Variants in CHRM5 observed in about 807,000 individuals in gnomAD.
The protein encoded by CHRM5 is muscarinic acetylcholine receptor M5.
CHRM5 carries 18 observed loss-of-function variants against 39.0 expected under a neutral mutation model. That is an observed-to-expected ratio of 0.46 (90% CI 0.32 to 0.68). CHRM5 has a LOEUF of 0.68. CHRM5 is among the 30% of genes least tolerant of loss of function. The probability of loss-of-function intolerance (pLI) is 0.04; values close to 1 mark genes in which losing one functional copy is unlikely to be tolerated. For synonymous variants in CHRM5, 241 were observed against 246.3 expected, an observed-to-expected ratio of 0.98 and a Z score of 0.20; for missense variants, 515 against 651.1, an observed-to-expected ratio of 0.79 and a Z score of 2.28.
intron 2 of CHRM5, among the ~76,000 whole-genome samples, chr15:34,056,684 A>T (rs1900165283): frequency 6.6e-6 from 1 of 152,062 alleles, no homozygotes; most frequent in Admixed American, 6.6e-5. Flanking sequence ...TGCTTGAATG[A>T]TTGGGAGCAG....
intron 1 of CHRM5, among the ~76,000 whole-genome samples, chr15:34,044,565 G>A (rs1899613739): frequency 5.8e-5 from 1 of 17,284 alleles, no homozygotes; most frequent in East Asian, 2.5e-3. Flanking sequence ...ACTTCTTCAT[G>A]TCTTGGCACA....
At chr15:34,041,214 A>G (rs563619992) in intron 1 of CHRM5, among the ~76,000 whole-genome samples, 15 of 152,292 alleles carry the variant, frequency 9.8e-5, no homozygotes, top group East Asian at 1.9e-4. Flanking sequence ...CCTCATTAAG[A>G]CAACCAAAAA....
chr15:33,998,708 T>C (rs1197518976), intron 1 of CHRM5, among the ~76,000 whole-genome samples: 1 of 152,204 alleles, frequency 6.6e-6, no homozygotes, highest in African/African-American at 2.4e-5. Context: ...TTCATTGTCA[T>C]CAACTGCATT....
At chr15:33,998,805 T>C (rs906775399) in intron 1 of CHRM5, among the ~76,000 whole-genome samples, 5 of 152,184 alleles carry the variant, frequency 3.3e-5, no homozygotes, top group Admixed American at 1.3e-4. Flanking sequence ...TCAGTCTCCT[T>C]TGCTGGTCTC....
At chr15:34,006,081 G>A (rs191492701) in intron 1 of CHRM5, among the ~76,000 whole-genome samples, 2 of 152,314 alleles carry the variant, frequency 1.3e-5, no homozygotes, top group Non-Finnish European at 2.9e-5. Flanking sequence ...GGAGGCCGAG[G>A]AGGGCAGATC....
chr15:33,984,559 C>T (rs1283854015), intron 1 of CHRM5, among the ~76,000 whole-genome samples: 1 of 152,094 alleles, frequency 6.6e-6, no homozygotes, highest in Non-Finnish European at 1.5e-5. Context: ...TGCTCCATCA[C>T]ACCCGGCTAA....
At chr15:34,038,730 A>G (rs573746809) in intron 1 of CHRM5, 25 of 1,132,048 alleles carry the variant, frequency 2.2e-5, no homozygotes, top group East Asian at 4.4e-5. Context: ...CCTCGGCCCC[A>G]CTTGCCCCAG....
At chr15:34,043,179 A>G (rs562186131) in intron 1 of CHRM5, among the ~76,000 whole-genome samples, 8 of 151,340 alleles carry the variant, frequency 5.3e-5, no homozygotes, top group Non-Finnish European at 7.4e-5. Flanking sequence ...CCTGGGAGGC[A>G]GAGCTTGCAG....
chr15:34,039,250 G>GAACCGGGACCGC, intron 1 of CHRM5: 2 of 240,266 alleles, frequency 8.3e-6, no homozygotes, highest in Non-Finnish European at 1.4e-5. Flanking sequence ...GGTGGGGCCG[G>GAACCGGGACCGC]AACCGGGACC....
At chr15:34,023,519 G>C (rs1460807292) in intron 1 of CHRM5, among the ~76,000 whole-genome samples, 1 of 152,094 alleles carries the variant, frequency 6.6e-6, no homozygotes, top group African/African-American at 2.4e-5. Context: ...GAGAAAGCCT[G>C]GTCATTCATT....
Position 34,065,214 on chromosome 15 carries a change from T to G in CHRM5, c.*898T>G, listed in dbSNP as rs1900478814. The G allele has an allele frequency of 1.3e-5, 2 of 152,598 alleles. No homozygotes were observed. The highest frequency in any genetic ancestry group is 4.1e-4 in the South Asian group (2 of 4,834). 9.5% of individuals were successfully genotyped at this position (152,598 alleles called of 1,614,324 possible). A position where few individuals can be genotyped will look rare whatever the true frequency, so the allele number is the denominator to read the frequency against. On this transcript the variant is annotated 3_prime_UTR_variant, in exon 3 of 3. Coordinates refer to ENST00000383263, the MANE Select transcript of CHRM5 (RefSeq NM_012125.4). The stretch of plus-strand genomic sequence containing the variant: ...TCTGTTCTTAGGAAGACTAATTGTG[T>G]AAGAGCCCTTCACTGGCTGAAGATT...
Position 34,061,824 on chromosome 15 carries a change from C to A in CHRM5, c.-75-819C>A, listed in dbSNP as rs536874814. Among the ~76,000 whole-genome samples, 246 of 152,236 alleles carry A rather than the reference C, an allele frequency of 1.6e-3. 1 individual carries two copies. The highest frequency in any genetic ancestry group is 5.6e-3 in the African/African-American group (234 of 41,540). On this transcript the variant is annotated intron_variant, in intron 2 of 2. Coordinates refer to ENST00000383263, the MANE Select transcript of CHRM5 (RefSeq NM_012125.4). ...TGCACTTGGAGTTTGTGCATTAGGG[C>A]AAGGAGAGGTGGTATAATATGGTCT...
At position 34,008,139 on chromosome 15, in the gene CHRM5, G is replaced by T. The variant is rs139851672; in HGVS notation, c.-407-38401G>T. 5.4e-4 allele frequency among the ~76,000 whole-genome samples: 82 copies of T among 152,186 alleles called. 1 individual carries two copies. The East Asian group carries it at 0.015, about 28-fold the overall frequency. ...AAAAAATAGTCGAAAATAATGGGTGGGCCTGGCACCATGGCTCACTTCTGT... is the reference window on the plus strand; with the variant it reads ...AAAAAATAGTCGAAAATAATGGGTGTGCCTGGCACCATGGCTCACTTCTGT... On this transcript the variant is annotated intron_variant, in intron 1 of 2. Coordinates refer to ENST00000383263, the MANE Select transcript of CHRM5 (RefSeq NM_012125.4).
chr15:33,981,454 T>C (rs1896140653), intron 1 of CHRM5, among the ~76,000 whole-genome samples: 1 of 152,208 alleles, frequency 6.6e-6, no homozygotes, highest in African/African-American at 2.4e-5. Context: ...CAAGTTTTTT[T>C]AAGTAGCCAA....
chr15:34,018,640 G>A (rs1455004266), intron 1 of CHRM5, among the ~76,000 whole-genome samples: 1 of 152,218 alleles, frequency 6.6e-6, no homozygotes, highest in African/African-American at 2.4e-5. Context: ...TGTGAAGAGT[G>A]AAAGAACAAA....
chr15:34,020,713 G>A (rs562100043), intron 1 of CHRM5, among the ~76,000 whole-genome samples: 7 of 152,116 alleles, frequency 4.6e-5, no homozygotes, highest in Admixed American at 1.3e-4. Context: ...ACTGAATTAC[G>A]ACCTTACTCT....
chr15:34,048,384 T>G (rs2140820297), intron 2 of CHRM5, among the ~76,000 whole-genome samples: 1 of 150,496 alleles, frequency 6.6e-6, no homozygotes, highest in East Asian at 1.9e-4. Context: ...GTCCAAATGG[T>G]CCTGACAAGG....
At position 34,064,944 on chromosome 15, in the gene CHRM5, A is replaced by G. The variant is rs1292927445; in HGVS notation, c.*628A>G. ...CTCTTCCCTTTCATATCCAATGTCA[A>G]TTCCTTGTACTCACTGAACCCATGC... On this transcript the variant is annotated 3_prime_UTR_variant, in exon 3 of 3. Coordinates refer to ENST00000383263, the MANE Select transcript of CHRM5 (RefSeq NM_012125.4). 3 of 167,706 alleles carry G rather than the reference A, an allele frequency of 1.8e-5. No homozygotes were observed. The highest frequency in any genetic ancestry group is 4.8e-5 in the African/African-American group (2 of 41,444). The allele number at this position is 167,706 out of a possible 1,614,324, so 10.4% of individuals were successfully genotyped here.
chr15:34,044,738 A>G (rs531589226), intron 1 of CHRM5, among the ~76,000 whole-genome samples: 25 of 152,086 alleles, frequency 1.6e-4, no homozygotes, highest in African/African-American at 6.0e-4. Flanking sequence ...AGTTTCACCT[A>G]TTTTCCTGTC....
Sources: gnomAD v4.1 joint callset for allele counts (sites outside exome capture counted in the v4.1 genomes callset) on GRCh38, gnomAD v4.1.1 for gene constraint, MANE v1.5 for transcripts, NCBI Gene and HGNC (gene_info 2026-07-23, HGNC 2026-07-21) for gene names.